Variants in SNTB1 observed in about 807,000 individuals in gnomAD.
The protein encoded by SNTB1 is syntrophin beta 1, also known as beta-1-syntrophin.
In SNTB1, 36 loss-of-function variants were observed where a neutral mutation model predicts 48.9. The observed-to-expected ratio is 0.74, with a 90% CI of 0.56 to 0.97. SNTB1 has a LOEUF of 0.97. Ranked by LOEUF, SNTB1 falls within the 50% of genes least tolerant of loss-of-function variation. The pLI is 0.00. For synonymous variants in SNTB1, 299 were observed against 294.6 expected (o/e 1.01, Z -0.15); for missense variants, 786 against 703.4 (o/e 1.12, Z -1.33).
intron 2 of SNTB1, among the ~76,000 whole-genome samples, chr8:120,660,924 A>G (rs369595395): frequency 8.5e-5 from 13 of 152,196 alleles, no homozygotes; most frequent in African/African-American, 2.9e-4. Context: ...AGAACAGCCA[A>G]TCGATGGAGC....
In SNTB1 at chr8:120,716,508, C is replaced by T. The variant is rs147101160; in HGVS notation, c.572-22600G>A. On this transcript the variant is annotated intron_variant, in intron 1 of 6. Coordinates refer to ENST00000517992, the MANE Select transcript of SNTB1 (RefSeq NM_021021.4). ...ACATCTATTCCAGCAGCTGACTTTG[C>T]AAATACACATCCTCCCTCACTTGGG... Among the ~76,000 whole-genome samples the T allele has an allele frequency of 4.2e-3, 643 of 152,240 alleles. 6 individuals are homozygous for T. Among genetic ancestry groups the T allele is most frequent in the African/African-American group, 0.015 (607 of 41,546 alleles).
rs774856029 is a variant in SNTB1 at position 120,693,897 on chromosome 8, G to C, written c.583C>G (p.Arg195Gly). Residue 195 changes from arginine to glycine, a missense_variant, in exon 2 of 7, where the codon CGA (arginine) becomes GGA (glycine). Transcript: ENST00000517992. ...TTCTTCACATAGGGCGTGGCTTCTC[G>C]CATGTACTTCACTGCAAGGAAAAAG... The part of the protein sequence containing the change: ...KEVLLEVKYM[R>G]EATPYVKKGS... 2 of 1,613,304 alleles carry C rather than the reference G, an allele frequency of 1.2e-6. No homozygotes were observed. The highest frequency in any genetic ancestry group is 2.2e-5 in the East Asian group (1 of 44,866).
rs564278138 is a variant in SNTB1, at chr8:120,599,089, C to G, written c.997-23864G>C. Among the ~76,000 whole-genome samples the G allele has an allele frequency of 2.6e-5, 4 of 152,248 alleles. No individual in the cohort carries two copies. The South Asian group carries it at 6.2e-4, about 24-fold the overall frequency. ...ATATGTTTACAGGCCATTATTCGGG[C>G]TACCACAGGGCTCTGTAGAAAACAA... On this transcript the variant is annotated intron_variant, in intron 3 of 6. Coordinates refer to ENST00000517992, the MANE Select transcript of SNTB1 (RefSeq NM_021021.4).
At chr8:120,745,269 G>A (rs576890752) in intron 1 of SNTB1, among the ~76,000 whole-genome samples, 3 of 152,052 alleles carry the variant, frequency 2.0e-5, no homozygotes, top group East Asian at 1.9e-4. Flanking sequence ...CATGCTTGGG[G>A]TGCTGATGGC....
chr8:120,605,683 C>A (rs1366165161), intron 3 of SNTB1, among the ~76,000 whole-genome samples: 2 of 152,076 alleles, frequency 1.3e-5, no homozygotes, highest in Non-Finnish European at 2.9e-5. Context: ...GAAATGATGA[C>A]CTCACATTTG....
At chr8:120,670,255 G>A (rs1330756322) in intron 2 of SNTB1, among the ~76,000 whole-genome samples, 1 of 152,202 alleles carries the variant, frequency 6.6e-6, no homozygotes, top group African/African-American at 2.4e-5. Flanking sequence ...AGCTTTGGAA[G>A]GGGTTTGAAG....
intron 1 of SNTB1, among the ~76,000 whole-genome samples, chr8:120,785,072 C>T (rs927354440): frequency 5.3e-5 from 8 of 152,156 alleles, no homozygotes; most frequent in African/African-American, 1.7e-4. Context: ...GGAGGGAAAC[C>T]GTTCTTCATT....
At chr8:120,775,971 G>A (rs1167369737) in intron 1 of SNTB1, among the ~76,000 whole-genome samples, 1 of 152,188 alleles carries the variant, frequency 6.6e-6, no homozygotes, top group Non-Finnish European at 1.5e-5. Flanking sequence ...CATGTGCCAT[G>A]TTGGTGTGCT....
At chr8:120,675,583 C>T (rs948262152) in intron 2 of SNTB1, among the ~76,000 whole-genome samples, 22 of 152,128 alleles carry the variant, frequency 1.4e-4, no homozygotes, top group African/African-American at 5.1e-4. Context: ...ATCATTGTCT[C>T]AGCCCAGAAG....
At chr8:120,683,209 T>G (rs1013587207) in intron 2 of SNTB1, among the ~76,000 whole-genome samples, 4 of 152,150 alleles carry the variant, frequency 2.6e-5, no homozygotes, top group Admixed American at 6.5e-5. Context: ...GAATGGTAAA[T>G]GTTTAACTTC....
At chr8:120,746,864 G>T (rs1819133216) in intron 1 of SNTB1, among the ~76,000 whole-genome samples, 1 of 152,116 alleles carries the variant, frequency 6.6e-6, no homozygotes, top group Non-Finnish European at 1.5e-5. Flanking sequence ...ATGGTGTTTA[G>T]TCCATTCATG....
chr8:120,762,625 G>T (rs1480378951), intron 1 of SNTB1, among the ~76,000 whole-genome samples: 1 of 152,144 alleles, frequency 6.6e-6, no homozygotes, highest in African/African-American at 2.4e-5. Context: ...TCATACTCTA[G>T]ATTACAAATG....
intron 1 of SNTB1, among the ~76,000 whole-genome samples, chr8:120,773,571 C>T (rs1469077771): frequency 6.6e-6 from 1 of 152,058 alleles, no homozygotes; most frequent in African/African-American, 2.4e-5. Flanking sequence ...ATGAGTAAGG[C>T]ACCATCTGGT....
At chr8:120,595,778 T>C (rs1046185391) in intron 3 of SNTB1, among the ~76,000 whole-genome samples, 1 of 152,080 alleles carries the variant, frequency 6.6e-6, no homozygotes, top group Non-Finnish European at 1.5e-5. Context: ...AGATGGGGTT[T>C]CTCCATGTTG....
chr8:120,591,871 A>G (rs1443506783), intron 3 of SNTB1, among the ~76,000 whole-genome samples: 1 of 152,182 alleles, frequency 6.6e-6, no homozygotes, highest in Non-Finnish European at 1.5e-5. Flanking sequence ...ACAAAGATCC[A>G]TTTTCATTAA....
At chr8:120,545,206 T>C (rs1186995447) in intron 5 of SNTB1, among the ~76,000 whole-genome samples, 1 of 152,068 alleles carries the variant, frequency 6.6e-6, no homozygotes, top group Non-Finnish European at 1.5e-5. Flanking sequence ...TAGCCAGGCA[T>C]GGTGGCAGGC....
intron 1 of SNTB1, among the ~76,000 whole-genome samples, chr8:120,773,256 G>A (rs1025788599): frequency 2.3e-4 from 35 of 152,212 alleles, no homozygotes; most frequent in Non-Finnish European, 3.5e-4. Context: ...GATGGTTCAT[G>A]TCTGTAATCT....
At chr8:120,694,543 CATT>C (rs1818180744) in intron 1 of SNTB1, among the ~76,000 whole-genome samples, 1 of 150,946 alleles carries the variant, frequency 6.6e-6, no homozygotes, top group Non-Finnish European at 1.5e-5. Flanking sequence ...ATATATATAT[CATT>C]AATTCTTAAT....
At chr8:120,569,172 G>C (rs895360974) in intron 4 of SNTB1, among the ~76,000 whole-genome samples, 1 of 152,118 alleles carries the variant, frequency 6.6e-6, no homozygotes, top group Non-Finnish European at 1.5e-5. Context: ...GTAGAGACGG[G>C]GTTTCACCAT....
Sources: gnomAD v4.1 joint callset for allele counts (sites outside exome capture counted in the v4.1 genomes callset) on GRCh38, gnomAD v4.1.1 for gene constraint, MANE v1.5 for transcripts, NCBI Gene and HGNC (gene_info 2026-07-23, HGNC 2026-07-21) for gene names.